The following IGSF9 variants were observed in gnomAD, a reference collection of about 807,000 sequenced individuals.
IGSF9 encodes the protein immunoglobulin superfamily member 9, also known as protein turtle homolog A.
IGSF9 carries 87 observed loss-of-function variants against 121.7 expected under a neutral mutation model. The observed-to-expected ratio is 0.71, with a 90% CI of 0.60 to 0.85. The LOEUF (loss-of-function observed/expected upper bound fraction) is 0.85, where lower values mean the gene tolerates loss of function less well. Ranked by LOEUF, IGSF9 falls within the 40% of genes least tolerant of loss-of-function variation. The probability of loss-of-function intolerance (pLI) is 0.00; values close to 1 mark genes in which losing one functional copy is unlikely to be tolerated. For missense variants in IGSF9, 1,462 were observed against 1,565.3 expected, an observed-to-expected ratio of 0.93 and a Z score of 1.11; for synonymous variants, 640 against 648.4, an observed-to-expected ratio of 0.99 and a Z score of 0.20.
chr1:159,938,383 G>A (rs1251608715), intron 3 of IGSF9, among the ~76,000 whole-genome samples: 2 of 152,154 alleles, frequency 1.3e-5, no homozygotes, highest in African/African-American at 4.8e-5. Context: ...CCAGAGTCCA[G>A]CCCAGCAAGC....
intron 3 of IGSF9, among the ~76,000 whole-genome samples, chr1:159,939,091 G>A (rs958033513): frequency 2.0e-5 from 3 of 152,020 alleles, no homozygotes; most frequent in African/African-American, 7.3e-5. Flanking sequence ...CCCCTTCTCT[G>A]CTGTCCTCAC....
intron 3 of IGSF9, among the ~76,000 whole-genome samples, chr1:159,941,043 T>C (rs530176669): frequency 1.6e-4 from 24 of 152,296 alleles, no homozygotes; most frequent in African/African-American, 5.3e-4. Flanking sequence ...TCCTCTTTAG[T>C]CCTAGCTTGT....
At chr1:159,937,880 A>G in intron 3 of IGSF9, 42 bp from the exon 4 acceptor site, 1 of 1,591,360 alleles carries the variant, frequency 6.3e-7, no homozygotes, top group South Asian at 1.1e-5. Context: ...AAGGAACCCC[A>G]TGGAAGCCCC....
At position 159,931,003 on chromosome 1, in the gene IGSF9, T is replaced by C; in HGVS notation, c.1637+135A>G. On this transcript the variant is annotated intron_variant, in intron 13 of 20. Transcript: ENST00000368094. This position sits in a 1 kb window ranked among gnomAD's most constrained non-coding sequence, Gnocchi z 4.8. ...CCTTGGCCCTGAATGCCTCAGAATCTGGAAACAGGGAAGCAGAGCCAGGAC... is the reference window on the plus strand; with the variant it reads ...CCTTGGCCCTGAATGCCTCAGAATCCGGAAACAGGGAAGCAGAGCCAGGAC... The C allele has an allele frequency of 6.8e-7, 1 of 1,464,680 alleles. No individual in the cohort carries two copies. The allele number at this position is 1,464,680 out of a possible 1,614,324, so 90.7% of individuals were successfully genotyped here.
intron 3 of IGSF9, among the ~76,000 whole-genome samples, chr1:159,942,232 A>C (rs1422713644): frequency 6.6e-6 from 1 of 152,216 alleles, no homozygotes; most frequent in Non-Finnish European, 1.5e-5. Context: ...CATTGTAGCC[A>C]TTCTAGGGAG....
intron 6 of IGSF9, among the ~76,000 whole-genome samples, chr1:159,936,190 A>G (rs1651177835): frequency 6.6e-6 from 1 of 152,338 alleles, no homozygotes; most frequent in African/African-American, 2.4e-5. Context: ...ACTACTGGGC[A>G]CTAAGATCGC....
In IGSF9 at chr1:159,943,383, A is replaced by G. The variant is rs1450352800; in HGVS notation, c.58+14T>C. 1 of 1,568,762 alleles carries G rather than the reference A, an allele frequency of 6.4e-7. No individual in the cohort carries two copies. Among genetic ancestry groups the G allele is most frequent in the Non-Finnish European group, 8.6e-7 (1 of 1,157,256 alleles). On this transcript the variant is annotated intron_variant, in intron 2 of 20. Coordinates refer to ENST00000368094, the MANE Select transcript of IGSF9 (RefSeq NM_001135050.2). ...GGCTAACAGGGCATTCTTGAGCCCA[A>G]GAGCTCAGCTTACCGTCAGCCCCCT...
rs531634203 is a variant in IGSF9 at position 159,935,102 on chromosome 1, A to C, written c.674-280T>G. ...AATGGTGTGTGTGTTTGGGGGAGTCAGTTTAACTCTGCTCATTTACCATTT... is the reference window on the plus strand; with the variant it reads ...AATGGTGTGTGTGTTTGGGGGAGTCCGTTTAACTCTGCTCATTTACCATTT... On this transcript the variant is annotated intron_variant, in intron 6 of 20. Transcript: ENST00000368094. 2.1e-4 allele frequency among the ~76,000 whole-genome samples: 32 copies of C among 152,260 alleles called. No homozygotes were observed. The East Asian group carries it at 5.4e-3, about 26-fold the overall frequency.
intron 20 of IGSF9, 114 bp from the exon 21 acceptor site, chr1:159,927,640 C>G (rs1650789192): frequency 6.5e-7 from 1 of 1,532,444 alleles, no homozygotes; most frequent in Admixed American, 1.9e-5. Flanking sequence ...GGGCAAGGCA[C>G]AGTCTAGAGC....
Position 159,934,413 on chromosome 1 carries a change from G to T in IGSF9, c.961+12C>A. 6.4e-7 allele frequency: 1 copy of T among 1,573,684 alleles called. No homozygotes were observed. The highest frequency in any genetic ancestry group is 8.6e-7 in the Non-Finnish European group (1 of 1,159,302). On this transcript the variant is annotated intron_variant, in intron 8 of 20. Coordinates refer to ENST00000368094, the MANE Select transcript of IGSF9 (RefSeq NM_001135050.2). Reference sequence around the variant, plus strand: ...GGGAGCAGGCTGAGGGAGAAGCTGGGGTCAGGCTTACAGAGCACAGTGAGG... The same window carrying T: ...GGGAGCAGGCTGAGGGAGAAGCTGGTGTCAGGCTTACAGAGCACAGTGAGG...
intron 2 of IGSF9, 42 bp downstream of exon 2, chr1:159,943,355 C>T (rs774697623): frequency 5.3e-6 from 8 of 1,511,976 alleles, no homozygotes; most frequent in Non-Finnish European, 7.1e-6. Flanking sequence ...ATACCCACCC[C>T]AAGGCTAACA....
intron 1 of IGSF9, among the ~76,000 whole-genome samples, chr1:159,943,929 G>T (rs1426421960): frequency 1.3e-5 from 2 of 152,134 alleles, no homozygotes; most frequent in Non-Finnish European, 2.9e-5. Flanking sequence ...TGAGGGTCTT[G>T]AAAAACTAAG....
At chr1:159,935,051 C>T (rs1486764251) in intron 6 of IGSF9, among the ~76,000 whole-genome samples, 3 of 152,196 alleles carry the variant, frequency 2.0e-5, no homozygotes, top group Non-Finnish European at 2.9e-5. Flanking sequence ...AAGAGCAACT[C>T]CATTCATGCA....
intron 18 of IGSF9, 162 bp downstream of exon 18, chr1:159,929,189 G>T: frequency 2.3e-6 from 3 of 1,290,178 alleles, no homozygotes; most frequent in Middle Eastern, 1.8e-4. Flanking sequence ...ATACTGGAAC[G>T]GCCTCAGGCT....
At position 159,928,990 on chromosome 1, in the gene IGSF9, T is replaced by C. The variant is rs1335804326; in HGVS notation, c.2398A>G (p.Ser800Gly). The C allele has an allele frequency of 6.6e-7, 1 of 1,519,748 alleles. No individual in the cohort carries two copies. The highest frequency in any genetic ancestry group is 2.2e-5 in the Admixed American group (1 of 45,662). The allele number at this position is 1,519,748 out of a possible 1,614,324, so 94.1% of individuals were successfully genotyped here. A position where few individuals can be genotyped will look rare whatever the true frequency, so the allele number is the denominator to read the frequency against. ...PSALGSGSPD[S>G]VAKLKLQGSP... is the part of the protein sequence containing the mutation. ...CCCTGGAGCTTCAGCTTCGCCACGC[T>C]GTCAGGACTGCCTGAGCCCAGAGCA... The change falls in exon 19 of 21, where the codon AGC (serine) becomes GGC (glycine). Residue 800 changes from serine (S) to glycine (G), a missense_variant. Transcript: ENST00000368094.
At chr1:159,929,310 A>G (rs762477008) in intron 18 of IGSF9, 41 bp downstream of exon 18, 2 of 1,602,594 alleles carry the variant, frequency 1.2e-6, no homozygotes, top group Non-Finnish European at 8.6e-7. Context: ...GGCACGTACA[A>G]TGGAAAGGCA....
chr1:159,943,271 C>T (rs1306299666), intron 2 of IGSF9, 120 bp from the exon 3 acceptor site: 24 of 1,310,960 alleles, frequency 1.8e-5, no homozygotes, highest in Admixed American at 1.5e-4. Context: ...ACCCCCAGTT[C>T]AGCTTCTCCA....
chr1:159,941,514 G>T (rs1651379743), intron 3 of IGSF9, among the ~76,000 whole-genome samples: 1 of 152,232 alleles, frequency 6.6e-6, no homozygotes, highest in Admixed American at 6.5e-5. Flanking sequence ...AGCCCCTGTA[G>T]CTCAAGCAAC....
At chr1:159,939,528 T>C (rs937921114) in intron 3 of IGSF9, among the ~76,000 whole-genome samples, 1 of 152,160 alleles carries the variant, frequency 6.6e-6, no homozygotes, top group Non-Finnish European at 1.5e-5. Flanking sequence ...CCTGGCTGCA[T>C]TTTCTTAATC....
Sources: gnomAD v4.1 joint callset for allele counts (sites outside exome capture counted in the v4.1 genomes callset) on GRCh38, gnomAD v4.1.1 for gene constraint, Gnocchi (gnomAD v3.1) non-coding constraint, MANE v1.5 for transcripts, NCBI Gene and HGNC (gene_info 2026-07-23, HGNC 2026-07-21) for gene names.